Variants in MTAP observed in about 807,000 individuals in gnomAD.
The protein encoded by MTAP is methylthioadenosine phosphorylase.
A neutral mutation model predicts 33.6 loss-of-function variants in MTAP; 33 were observed. The observed-to-expected ratio is 0.98, with a 90% confidence interval of 0.74 to 1.31. MTAP has a LOEUF of 1.31. Ranked by LOEUF, MTAP falls within the 40% of genes most tolerant of loss-of-function variation. The pLI, the probability that MTAP is intolerant of heterozygous loss-of-function variation, is 0.00. For missense variants in MTAP, 367 were observed against 360.0 expected, an observed-to-expected ratio of 1.02 and a Z score of -0.16; for synonymous variants, 148 against 125.7, an observed-to-expected ratio of 1.18 and a Z score of -1.19.
At chr9:21,874,915 A>T (rs747025566) in intron 1 of MTAP, among the ~76,000 whole-genome samples, 4 of 151,510 alleles carry the variant, frequency 2.6e-5, no homozygotes, top group African/African-American at 4.9e-5. Context: ...TTATTGTTCA[A>T]CTCCCACTTA....
At chr9:21,939,681 T>C (rs1347244963), downstream of MTAP, among the ~76,000 whole-genome samples, 4 of 150,966 alleles carry the variant, frequency 2.6e-5, no homozygotes, top group Non-Finnish European at 5.9e-5. Context: ...ATGGCCAACA[T>C]GGTGAAACCC....
At position 21,865,902 on chromosome 9, in the gene MTAP, ACCTGT is replaced by A; in HGVS notation, c.*3889_*3893del. 1 of 610,148 alleles carries A rather than the reference ACCTGT, an allele frequency of 1.6e-6. No individual in the cohort carries two copies. Among genetic ancestry groups the A allele is most frequent in the Non-Finnish European group, 2.1e-6 (1 of 486,768 alleles). The allele number at this position is 610,148 out of a possible 1,614,324, so 37.8% of individuals were successfully genotyped here. A position where few individuals can be genotyped will look rare whatever the true frequency, so the allele number is the denominator to read the frequency against. ...TATCTTACAATTTGATTATCTATTCACCTGTTGATGAATGTTTGAATTTTTTCCAT... is the reference window on the plus strand; with the variant it reads ...TATCTTACAATTTGATTATCTATTCATGATGAATGTTTGAATTTTTTCCAT... On this transcript the variant is annotated 3_prime_UTR_variant, in exon 8 of 8. Transcript: ENST00000644715.
intron 1 of MTAP, among the ~76,000 whole-genome samples, chr9:21,895,945 C>A (rs759964429): frequency 6.6e-6 from 1 of 152,180 alleles, no homozygotes; most frequent in African/African-American, 2.4e-5. Context: ...CACCCCAAAT[C>A]AACAGAATAT....
At chr9:21,898,896 G>T (rs988738236) in intron 1 of MTAP, among the ~76,000 whole-genome samples, 1 of 152,056 alleles carries the variant, frequency 6.6e-6, no homozygotes, top group African/African-American at 2.4e-5. Context: ...TATACCCAAA[G>T]GATTATAAAT....
intron 1 of MTAP, among the ~76,000 whole-genome samples, chr9:21,912,086 A>G (rs1369660524): frequency 6.6e-6 from 1 of 152,210 alleles, no homozygotes; most frequent in East Asian, 1.9e-4. Flanking sequence ...ACCAGGAAGA[A>G]GTTGAATCTC....
intron 5 of MTAP, among the ~76,000 whole-genome samples, chr9:21,844,925 G>A (rs1374599434): frequency 5.3e-5 from 8 of 152,060 alleles, no homozygotes; most frequent in Admixed American, 2.0e-4. Flanking sequence ...CCAGCTACTC[G>A]GGAGGCCGAG....
intron 4 of MTAP, among the ~76,000 whole-genome samples, chr9:21,825,009 C>G (rs1824751930): frequency 6.6e-6 from 1 of 152,154 alleles, no homozygotes; most frequent in African/African-American, 2.4e-5. Context: ...CACCCCTTCC[C>G]TTTGCTAGGA....
downstream of MTAP, among the ~76,000 whole-genome samples, chr9:21,939,234 C>A (rs534514432): frequency 5.7e-3 from 870 of 152,310 alleles, 4 homozygotes; most frequent in Non-Finnish European, 9.9e-3. Context: ...TCCAATTAAA[C>A]CTCTTTTTCT....
downstream of MTAP, chr9:21,940,959 A>G (rs1167329035): frequency 2.0e-6 from 2 of 983,822 alleles, no homozygotes; most frequent in Admixed American, 6.1e-5. Context: ...ACCCTCTTAT[A>G]TTTGCTTTCA....
At chr9:21,877,437 G>A (rs1826029273) in intron 1 of MTAP, among the ~76,000 whole-genome samples, 1 of 152,100 alleles carries the variant, frequency 6.6e-6, no homozygotes, top group Non-Finnish European at 1.5e-5. Flanking sequence ...TCTTGTGCTG[G>A]TTTTCAAGGG....
chr9:21,868,974 A>G (rs1031248296), downstream of MTAP, among the ~76,000 whole-genome samples: 1 of 152,180 alleles, frequency 6.6e-6, no homozygotes, highest in Non-Finnish European at 1.5e-5. Context: ...CTACTGTCAT[A>G]GATGTTTCTC....
intron 1 of MTAP, among the ~76,000 whole-genome samples, chr9:21,803,552 G>A (rs1412647454): frequency 6.6e-6 from 1 of 152,130 alleles, no homozygotes; most frequent in African/African-American, 2.4e-5. Context: ...GTCATTGTGC[G>A]GTGGGAAGCT....
chr9:21,902,433 T>C (rs757548890), intron 1 of MTAP, among the ~76,000 whole-genome samples: 1 of 152,228 alleles, frequency 6.6e-6, no homozygotes, highest in Non-Finnish European at 1.5e-5. Flanking sequence ...ACTTAGCACA[T>C]GTCTGTAATA....
chr9:21,833,560 G>A (rs1294368040), intron 4 of MTAP, among the ~76,000 whole-genome samples: 1 of 152,046 alleles, frequency 6.6e-6, no homozygotes, highest in Non-Finnish European at 1.5e-5. Flanking sequence ...GCCTATTCAC[G>A]CTGCTGTTTG....
intron 1 of MTAP, among the ~76,000 whole-genome samples, chr9:21,898,917 T>C (rs1287304187): frequency 1.3e-5 from 2 of 152,106 alleles, no homozygotes; most frequent in Non-Finnish European, 2.9e-5. Flanking sequence ...CATGCTGTTA[T>C]AAAGACACAT....
At chr9:21,908,157 T>G (rs992077606) in intron 1 of MTAP, among the ~76,000 whole-genome samples, 1 of 152,194 alleles carries the variant, frequency 6.6e-6, no homozygotes. Context: ...TAACCACTGA[T>G]TCTTTCTCCA....
chr9:21,877,863 C>T (rs1053290410), intron 1 of MTAP, among the ~76,000 whole-genome samples: 1 of 152,110 alleles, frequency 6.6e-6, no homozygotes, highest in African/African-American at 2.4e-5. Context: ...TAGGATGATA[C>T]TGGCCTCATA....
chr9:21,856,296 A>T, intron 6 of MTAP: 1 of 469,666 alleles, frequency 2.1e-6, no homozygotes, highest in Non-Finnish European at 2.8e-6. Flanking sequence ...TCTAATGTGT[A>T]CAGTGTTTTG....
chr9:21,919,530 T>C (rs1454565583), intron 1 of MTAP, among the ~76,000 whole-genome samples: 3 of 152,250 alleles, frequency 2.0e-5, no homozygotes, highest in African/African-American at 7.2e-5. Flanking sequence ...AGATGTGGAC[T>C]AGCAAGAGAG....
Sources: allele counts gnomAD v4.1 joint callset (sites outside exome capture counted in the v4.1 genomes callset), GRCh38; gene constraint gnomAD v4.1.1; transcripts MANE v1.5; gene names NCBI Gene and HGNC (gene_info 2026-07-23, HGNC 2026-07-21).